The following PARG variants were observed in gnomAD, a reference collection of about 807,000 sequenced individuals.
The protein encoded by PARG is poly(ADP-ribose) glycohydrolase, also known as mitochondrial poly(ADP-ribose) glycohydrolase.
A neutral mutation model predicts 113.0 loss-of-function variants in PARG; 35 were observed. The observed-to-expected ratio is 0.31, with a 90% CI of 0.24 to 0.41. The LOEUF (loss-of-function observed/expected upper bound fraction) is 0.41, where lower values mean the gene tolerates loss of function less well. Among genes scored for constraint, PARG ranks in the 10% least tolerant of loss-of-function variants. PARG has a pLI of 1.00. For synonymous variants in PARG, 330 were observed against 409.9 expected, an observed-to-expected ratio of 0.81 and a Z score of 2.36; for missense variants, 797 against 1,169.4, an observed-to-expected ratio of 0.68 and a Z score of 4.64.
intron 4 of PARG, among the ~76,000 whole-genome samples, chr10:49,923,235 C>A (rs1837982228): frequency 1.3e-5 from 2 of 152,068 alleles, no homozygotes; most frequent in South Asian, 4.1e-4. Flanking sequence ...TCTATTGTCA[C>A]CTTCATAGCT....
At chr10:49,905,074 T>C (rs1279237007) in intron 7 of PARG, among the ~76,000 whole-genome samples, 2 of 152,264 alleles carry the variant, frequency 1.3e-5, no homozygotes, top group African/African-American at 2.4e-5. Context: ...TATAATTGTT[T>C]TGGACATGCT....
At chr10:49,899,102 T>G (rs1265533932) in intron 7 of PARG, among the ~76,000 whole-genome samples, 1 of 152,214 alleles carries the variant, frequency 6.6e-6, no homozygotes, top group African/African-American at 2.4e-5. Flanking sequence ...CTCATCCTCC[T>G]CCTCTCCATT....
rs1554910428 is a variant in PARG, at chr10:49,933,453, C to G, written c.995G>C (p.Gly332Ala). 1.3e-4 allele frequency: 202 copies of G among 1,612,484 alleles called. No homozygotes were observed. The African/African-American group carries it at 2.2e-3, about 18-fold the overall frequency. ...TSPGFDEQED[G>A]SSSQTANKPS... Reference sequence around the variant, plus strand: ...TTTATTTGCTGTTTGGGAGGAACTACCATCTTCTTGTTCATCAAAACCTGG... The same window carrying G: ...TTTATTTGCTGTTTGGGAGGAACTAGCATCTTCTTGTTCATCAAAACCTGG... The change falls in exon 3 of 18, where the codon GGT becomes GCT. Residue 332 changes from glycine to alanine, a missense_variant. Coordinates refer to ENST00000616448, the MANE Select transcript of PARG (RefSeq NM_003631.5).
rs1838531154 is a variant in PARG, at chr10:49,932,289, G to C, written c.1272-6C>G. ...TGGTTTCCCACTGTTCTTTTCTAAGGTCAAGACAAATGTATTTAGTCACAA... is the reference window on the plus strand; with the variant it reads ...TGGTTTCCCACTGTTCTTTTCTAAGCTCAAGACAAATGTATTTAGTCACAA... On this transcript the variant is annotated splice_polypyrimidine_tract_variant and splice_region_variant and intron_variant, in intron 3 of 17. Coordinates refer to ENST00000616448, the MANE Select transcript of PARG (RefSeq NM_003631.5). The C allele has an allele frequency of 6.6e-6, 10 of 1,524,432 alleles. No individual in the cohort carries two copies. The highest frequency in any genetic ancestry group is 5.0e-5 in the Admixed American group (3 of 59,900). 94.4% of individuals were successfully genotyped at this position (1,524,432 alleles called of 1,614,324 possible).
intron 15 of PARG, among the ~76,000 whole-genome samples, chr10:49,833,959 C>T (rs1844792369): frequency 6.6e-6 from 1 of 152,022 alleles, no homozygotes; most frequent in South Asian, 2.1e-4. Context: ...GAAGTTTCCA[C>T]AAAGGTATAA....
chr10:49,919,273 A>T (rs1837669140), intron 6 of PARG, among the ~76,000 whole-genome samples: 1 of 152,190 alleles, frequency 6.6e-6, no homozygotes, highest in Non-Finnish European at 1.5e-5. Context: ...AGTTGAAGAA[A>T]TATAAAAATT....
At chr10:49,880,883 TA>T (rs1218541653) in intron 8 of PARG, among the ~76,000 whole-genome samples, 1 of 152,234 alleles carries the variant, frequency 6.6e-6, no homozygotes, top group Non-Finnish European at 1.5e-5. Context: ...AGAATTGAAG[TA>T]TTTTACCCCA....
chr10:49,917,601 G>A (rs1191341150), intron 6 of PARG, among the ~76,000 whole-genome samples: 15 of 151,484 alleles, frequency 9.9e-5, no homozygotes, highest in Admixed American at 3.9e-4. Flanking sequence ...CAGGTGAATC[G>A]CTTGAGTCCA....
At chr10:49,850,728 T>G (rs1381793460) in intron 13 of PARG, among the ~76,000 whole-genome samples, 1 of 152,194 alleles carries the variant, frequency 6.6e-6, no homozygotes, top group South Asian at 2.1e-4. Flanking sequence ...TCAATTATCA[T>G]GTTTCTACTT....
At chr10:49,938,559 T>C (rs1408065498) in intron 1 of PARG, among the ~76,000 whole-genome samples, 16 of 152,082 alleles carry the variant, frequency 1.1e-4, no homozygotes, top group African/African-American at 3.1e-4. Context: ...GTCATCACAA[T>C]GTGAATAACA....
chr10:49,936,087 A>G (rs2132991825), intron 1 of PARG, among the ~76,000 whole-genome samples: 1 of 152,170 alleles, frequency 6.6e-6, no homozygotes, highest in East Asian at 1.9e-4. Flanking sequence ...TCTGAATCAG[A>G]ATCTATATGT....
At chr10:49,838,973 G>C (rs1289164048) in intron 15 of PARG, among the ~76,000 whole-genome samples, 1 of 152,170 alleles carries the variant, frequency 6.6e-6, no homozygotes, top group East Asian at 1.9e-4. Flanking sequence ...GACATATTGA[G>C]TGACTTAAGA....
Position 49,937,049 on chromosome 10 carries a change from C to A in PARG, c.218-1907G>T, listed in dbSNP as rs1298652444. On this transcript the variant is annotated intron_variant, in intron 1 of 17. Transcript: ENST00000616448. ...TTTTATTTAGCTTTCTGCAGCAGAT[C>A]AGGCTTCAGAGAAAAAATGAGCTTC... Among the ~76,000 whole-genome samples, 8 of 152,290 alleles carry A rather than the reference C, an allele frequency of 5.3e-5. No homozygotes were observed. In the East Asian group the frequency reaches 1.5e-3, roughly 29 times the overall value.
chr10:49,885,243 A>G lies in PARG; in HGVS notation c.1790T>C (p.Met597Thr), dbSNP rs1554840235. 6 of 1,609,112 alleles carry G rather than the reference A, an allele frequency of 3.7e-6. No homozygotes were observed. The highest frequency in any genetic ancestry group is 3.3e-5 in the South Asian group (3 of 90,930). Reference protein sequence around the residue: ...QHLYQSILPDMVKIALCLPNI... With the variant: ...QHLYQSILPDTVKIALCLPNI... Reference sequence around the variant, plus strand: ...TGGCAGACAGAGTGCAATTTTCACCATATCAGGCAAGATGGACTGATATAA... The same window carrying G: ...TGGCAGACAGAGTGCAATTTTCACCGTATCAGGCAAGATGGACTGATATAA... Residue 597 changes from methionine to threonine, a missense_variant, in exon 8 of 18, where the codon ATG (methionine) becomes ACG (threonine). By Grantham distance (81) the Met-to-Thr change is moderately conservative (BLOSUM62 -1). Transcript: ENST00000616448.
intron 16 of PARG, among the ~76,000 whole-genome samples, chr10:49,829,297 TG>T (rs1329836092): frequency 3.3e-5 from 5 of 152,082 alleles, no homozygotes; most frequent in African/African-American, 1.2e-4. Context: ...GTAAGAGATG[TG>T]GTCTTACTAG....
chr10:49,898,162 T>A (rs1848185135), intron 7 of PARG, among the ~76,000 whole-genome samples: 1 of 152,246 alleles, frequency 6.6e-6, no homozygotes, highest in Non-Finnish European at 1.5e-5. Context: ...CTAAATTCTT[T>A]ATTTCCTCAT....
At chr10:49,928,487 T>C (rs1243388492) in intron 4 of PARG, among the ~76,000 whole-genome samples, 5 of 152,158 alleles carry the variant, frequency 3.3e-5, no homozygotes, top group Admixed American at 6.5e-5. Flanking sequence ...CATGTGTTTG[T>C]TGGAAATCGA....
intron 6 of PARG, among the ~76,000 whole-genome samples, chr10:49,921,233 T>C (rs1588994284): frequency 6.6e-6 from 1 of 152,326 alleles, no homozygotes; most frequent in East Asian, 1.9e-4. Context: ...AACTGCATTG[T>C]ATCTAAAGCC....
chr10:49,829,870 T>C (rs1292464101), intron 16 of PARG, among the ~76,000 whole-genome samples: 4 of 152,210 alleles, frequency 2.6e-5, no homozygotes. Flanking sequence ...ATTTCTATAA[T>C]GGTTTTTAAA....
Sources: gnomAD v4.1 joint callset for allele counts (sites outside exome capture counted in the v4.1 genomes callset) on GRCh38, gnomAD v4.1.1 for gene constraint, MANE v1.5 for transcripts, NCBI Gene and HGNC (gene_info 2026-07-23, HGNC 2026-07-21) for gene names.